Variants in TMEFF2 observed in about 807,000 individuals in gnomAD.
The protein encoded by TMEFF2 is tomoregulin-2.
A neutral mutation model predicts 53.8 loss-of-function variants in TMEFF2; 28 were observed. The observed-to-expected ratio is 0.52, with a 90% confidence interval of 0.39 to 0.71. TMEFF2 has a LOEUF of 0.71. Ranked by LOEUF, TMEFF2 falls within the 30% of genes least tolerant of loss-of-function variation. TMEFF2 has a pLI of 0.00. For synonymous variants in TMEFF2, 162 were observed against 166.3 expected, an observed-to-expected ratio of 0.97 and a Z score of 0.20; for missense variants, 353 against 455.2, an observed-to-expected ratio of 0.78 and a Z score of 2.04.
At chr2:191,971,209 C>A (rs146193383) in intron 7 of TMEFF2, among the ~76,000 whole-genome samples, 94 of 152,218 alleles carry the variant, frequency 6.2e-4, no homozygotes, top group African/African-American at 2.1e-3. Flanking sequence ...CTAAATGGTA[C>A]CTTGTGATCT....
intron 4 of TMEFF2, among the ~76,000 whole-genome samples, chr2:192,130,306 C>T (rs1047819237): frequency 2.6e-5 from 4 of 152,108 alleles, no homozygotes; most frequent in African/African-American, 9.7e-5. Flanking sequence ...TCCTCTGTCT[C>T]CTCTTTCTTC....
chr2:192,180,120 T>C (rs1302390127), intron 3 of TMEFF2, among the ~76,000 whole-genome samples: 1 of 151,612 alleles, frequency 6.6e-6, no homozygotes, highest in Non-Finnish European at 1.5e-5. Flanking sequence ...AAATTGCATA[T>C]GAACAAAGAG....
intron 1 of TMEFF2, among the ~76,000 whole-genome samples, chr2:192,193,753 TAGATAGATAGAGAGAGA>T (rs1452642860): frequency 1.6e-5 from 2 of 122,668 alleles, no homozygotes; most frequent in Non-Finnish European, 3.5e-5. Flanking sequence ...GAGAGAGAGA[TAGATAGATAGAGAGAGA>T]GAGAGAGAGA....
intron 5 of TMEFF2, among the ~76,000 whole-genome samples, chr2:192,033,178 C>G (rs920176825): frequency 6.6e-6 from 1 of 152,090 alleles, no homozygotes; most frequent in African/African-American, 2.4e-5. Context: ...CACTATCATA[C>G]AGGTAATCAA....
intron 3 of TMEFF2, 82 bp downstream of exon 3, chr2:192,184,272 T>C (rs1223194440): frequency 5.2e-6 from 8 of 1,523,936 alleles, no homozygotes; most frequent in African/African-American, 1.4e-5. Flanking sequence ...GAATTATTTA[T>C]TGGGAGATAA....
chr2:192,070,698 G>A (rs1688275053), intron 4 of TMEFF2, among the ~76,000 whole-genome samples: 1 of 151,810 alleles, frequency 6.6e-6, no homozygotes, highest in Non-Finnish European at 1.5e-5. Flanking sequence ...CTAGTGGTCA[G>A]AGAGAGAAAT....
At chr2:192,063,824 G>A (rs1468389391) in intron 4 of TMEFF2, among the ~76,000 whole-genome samples, 1 of 151,634 alleles carries the variant, frequency 6.6e-6, no homozygotes, top group Admixed American at 6.6e-5. Context: ...ATCTCTGCTA[G>A]CACTATTCAG....
At chr2:191,964,112 C>G (rs1692346080) in intron 7 of TMEFF2, among the ~76,000 whole-genome samples, 2 of 152,104 alleles carry the variant, frequency 1.3e-5, no homozygotes, top group South Asian at 4.1e-4. Context: ...GCCTTCATAT[C>G]TTATTTATCA....
At chr2:192,178,868 T>C (rs1325709252) in intron 4 of TMEFF2, 2 of 151,318 alleles carry the variant, frequency 1.3e-5, no homozygotes, top group Admixed American at 6.6e-5. Flanking sequence ...TTTTTCTTAA[T>C]CTTGAAATTA....
At chr2:192,042,839 T>C (rs539314223) in intron 5 of TMEFF2, among the ~76,000 whole-genome samples, 1 of 152,226 alleles carries the variant, frequency 6.6e-6, no homozygotes, top group Non-Finnish European at 1.5e-5. Context: ...CTAGAGTCAA[T>C]TTGTCATTTA....
At chr2:191,982,857 C>T (rs2105816931) in intron 7 of TMEFF2, among the ~76,000 whole-genome samples, 1 of 152,080 alleles carries the variant, frequency 6.6e-6, no homozygotes, top group African/African-American at 2.4e-5. Flanking sequence ...GTGTTTTAAC[C>T]TCTTAGAACA....
chr2:192,175,198 T>C (rs1012537566), intron 4 of TMEFF2, among the ~76,000 whole-genome samples: 2 of 151,688 alleles, frequency 1.3e-5, no homozygotes, highest in Non-Finnish European at 3.0e-5. Context: ...ACCAAATTAC[T>C]AAATATTATA....
chr2:192,155,470 G>T (rs1360431352), intron 4 of TMEFF2, among the ~76,000 whole-genome samples: 1 of 151,838 alleles, frequency 6.6e-6, no homozygotes, highest in Non-Finnish European at 1.5e-5. Context: ...TGAGACTGAG[G>T]GTGAGATTTT....
intron 4 of TMEFF2, among the ~76,000 whole-genome samples, chr2:192,143,931 T>C (rs1690193707): frequency 6.6e-6 from 1 of 152,180 alleles, no homozygotes; most frequent in Admixed American, 6.6e-5. Context: ...AATGTCATGC[T>C]CTTAGGCCAG....
intron 4 of TMEFF2, among the ~76,000 whole-genome samples, chr2:192,154,710 C>T (rs188941057): frequency 1.6e-3 from 243 of 152,006 alleles, no homozygotes; most frequent in African/African-American, 5.1e-3. Flanking sequence ...TTCAGGTGAT[C>T]GCCAAGGGAC....
chr2:191,963,257 G>T (rs1049612223), intron 7 of TMEFF2, among the ~76,000 whole-genome samples: 1 of 152,150 alleles, frequency 6.6e-6, no homozygotes. Flanking sequence ...GCCATTTTAT[G>T]CTAAGAATAT....
At chr2:192,060,625 G>T (rs1326066600) in intron 4 of TMEFF2, among the ~76,000 whole-genome samples, 1 of 152,104 alleles carries the variant, frequency 6.6e-6, no homozygotes, top group Admixed American at 6.6e-5. Context: ...AGTCACAAAA[G>T]CTTGAAAACC....
rs367887857 is a variant in TMEFF2 at position 192,102,217 on chromosome 2, G to A, written c.440-44442C>T. Among the ~76,000 whole-genome samples, 5 of 152,114 alleles carry A rather than the reference G, an allele frequency of 3.3e-5. No individual in the cohort carries two copies. The East Asian group carries it at 9.6e-4, about 29-fold the overall frequency. ...AAGAAAAACAAAAAAAATGAAGCCT[G>A]CATTTACTTCTCTTTCAGCTTTTAG... On this transcript the variant is annotated intron_variant, in intron 4 of 9. Coordinates refer to ENST00000272771, the MANE Select transcript of TMEFF2 (RefSeq NM_016192.4).
At chr2:192,073,408 C>G (rs1365197627) in intron 4 of TMEFF2, among the ~76,000 whole-genome samples, 5 of 151,646 alleles carry the variant, frequency 3.3e-5, no homozygotes, top group African/African-American at 1.2e-4. Flanking sequence ...AGTTTTAGTG[C>G]AGCTGGGAAT....
Sources: gnomAD v4.1 joint callset for allele counts (sites outside exome capture counted in the v4.1 genomes callset) on GRCh38, gnomAD v4.1.1 for gene constraint, MANE v1.5 for transcripts, NCBI Gene and HGNC (gene_info 2026-07-23, HGNC 2026-07-21) for gene names.